The following PXDNL variants were observed in gnomAD, a reference collection of about 807,000 sequenced individuals.
The protein encoded by PXDNL is peroxidasin like.
Under a neutral mutation model 150.8 loss-of-function variants are expected in PXDNL, and 145 were observed. The ratio of observed to expected loss-of-function variants is 0.96; its 90% CI spans 0.84 to 1.10. The LOEUF is 1.10. Ranked by LOEUF, PXDNL falls within the 50% of genes least tolerant of loss-of-function variation. The pLI, the probability that PXDNL is intolerant of heterozygous loss-of-function variation, is 0.00. For synonymous variants in PXDNL, 757 were observed against 725.7 expected, an observed-to-expected ratio of 1.04 and a Z score of -0.69; for missense variants, 2,087 against 1,873.9, an observed-to-expected ratio of 1.11 and a Z score of -2.10.
At chr8:51,487,498 C>T (rs1004213181) in intron 5 of PXDNL, among the ~76,000 whole-genome samples, 3 of 151,782 alleles carry the variant, frequency 2.0e-5, no homozygotes, top group Non-Finnish European at 2.9e-5. Context: ...TTCTTTAATA[C>T]CAACCATAAA....
intron 1 of PXDNL, among the ~76,000 whole-genome samples, chr8:51,748,539 C>G (rs1585720364): frequency 1.3e-5 from 2 of 152,310 alleles, no homozygotes; most frequent in East Asian, 1.9e-4. Context: ...TGGAGCACAG[C>G]ATCACTGCCT....
At chr8:51,548,635 G>T (rs575882531) in intron 4 of PXDNL, among the ~76,000 whole-genome samples, 2 of 152,230 alleles carry the variant, frequency 1.3e-5, no homozygotes, top group African/African-American at 4.8e-5. Flanking sequence ...ACAAACAAAT[G>T]CTGAGAGAAT....
chr8:51,543,852 G>A (rs140412581), intron 4 of PXDNL, among the ~76,000 whole-genome samples: 2 of 151,940 alleles, frequency 1.3e-5, no homozygotes, highest in African/African-American at 4.8e-5. Flanking sequence ...CCACTAAGGA[G>A]GCAAGAAAAA....
chr8:51,388,974 G>A (rs114862510), intron 17 of PXDNL, among the ~76,000 whole-genome samples: 2,080 of 152,156 alleles, frequency 0.014, 54 homozygotes, highest in African/African-American at 0.047. Context: ...TTAATTTAAT[G>A]TTAAATGCAC....
At chr8:51,706,421 G>A (rs181982624) in intron 1 of PXDNL, among the ~76,000 whole-genome samples, 63 of 152,330 alleles carry the variant, frequency 4.1e-4, no homozygotes, top group Admixed American at 3.7e-3. Flanking sequence ...GTCAAGGGAG[G>A]AAGTAGGGAA....
chr8:51,787,083 C>T (rs1374803169), intron 1 of PXDNL, among the ~76,000 whole-genome samples: 9 of 140,158 alleles, frequency 6.4e-5, no homozygotes, highest in African/African-American at 2.4e-4. Flanking sequence ...AAGTCTACTG[C>T]TGCAACCTAC....
At chr8:51,395,394 C>A (rs933296906) in intron 17 of PXDNL, among the ~76,000 whole-genome samples, 1 of 152,130 alleles carries the variant, frequency 6.6e-6, no homozygotes, top group Non-Finnish European at 1.5e-5. Flanking sequence ...CCCTCAAATT[C>A]TGGTTTATAA....
intron 2 of PXDNL, among the ~76,000 whole-genome samples, chr8:51,603,335 C>T (rs544676675): frequency 9.2e-5 from 14 of 151,942 alleles, no homozygotes; most frequent in Non-Finnish European, 1.5e-4. Flanking sequence ...TTTACCATAT[C>T]GACTTTACCT....
intron 19 of PXDNL, among the ~76,000 whole-genome samples, chr8:51,369,000 A>C (rs887435864): frequency 6.6e-6 from 1 of 152,154 alleles, no homozygotes; most frequent in African/African-American, 2.4e-5. Flanking sequence ...TGTTTCAAAA[A>C]AAATAAAAAT....
intron 1 of PXDNL, among the ~76,000 whole-genome samples, chr8:51,756,405 A>AG (rs1480610090): frequency 5.3e-5 from 8 of 151,648 alleles, no homozygotes; most frequent in Admixed American, 5.3e-4. Flanking sequence ...AAAAAAAAAA[A>AG]AAGGAAAGAA....
rs186096971 is a variant in PXDNL, at chr8:51,375,415, A to T, written c.3558-684T>A. 9.2e-5 allele frequency among the ~76,000 whole-genome samples: 14 copies of T among 152,164 alleles called. No individual in the cohort carries two copies. The East Asian group carries it at 2.5e-3, about 27-fold the overall frequency. On this transcript the variant is annotated intron_variant, in intron 17 of 22. Coordinates refer to ENST00000356297, the MANE Select transcript of PXDNL (RefSeq NM_144651.5). ...CCACTCTGATTGTTTTTTTCTCTCT[A>T]CTCTAATGATAAACGTGACACCAAC...
chr8:51,778,306 T>C (rs540646263), intron 1 of PXDNL, among the ~76,000 whole-genome samples: 1 of 151,646 alleles, frequency 6.6e-6, no homozygotes, highest in Non-Finnish European at 1.5e-5. Flanking sequence ...AATTAATAAA[T>C]AAACAAAACC....
chr8:51,529,890 G>A (rs1469021083), intron 4 of PXDNL, among the ~76,000 whole-genome samples: 2 of 152,212 alleles, frequency 1.3e-5, no homozygotes, highest in Admixed American at 6.5e-5. Flanking sequence ...TTGGTAAGAA[G>A]TGTAGCAGCA....
intron 20 of PXDNL, among the ~76,000 whole-genome samples, chr8:51,344,211 T>C (rs1167222939): frequency 6.6e-6 from 1 of 152,042 alleles, no homozygotes; most frequent in African/African-American, 2.4e-5. Context: ...CTCAAGACAT[T>C]TTCCTGCCTC....
chr8:51,699,231 G>C (rs1585683455), intron 1 of PXDNL, among the ~76,000 whole-genome samples: 1 of 152,298 alleles, frequency 6.6e-6, no homozygotes, highest in East Asian at 1.9e-4. Context: ...TTTTCTTCCA[G>C]TAGAAATCTG....
chr8:51,461,510 G>A (rs1810083088), intron 8 of PXDNL, among the ~76,000 whole-genome samples: 1 of 152,174 alleles, frequency 6.6e-6, no homozygotes, highest in Non-Finnish European at 1.5e-5. Context: ...GCCATCTGCT[G>A]GGCAAAAAAC....
intron 4 of PXDNL, among the ~76,000 whole-genome samples, chr8:51,535,738 T>A (rs10958277): frequency 0.2 from 25,757 of 129,822 alleles, 5,230 homozygotes; most frequent in African/African-American, 0.51. Context: ...AATAAATAAA[T>A]AAAAATAAAG....
Position 51,528,911 on chromosome 8 carries a change from T to A in PXDNL, c.380+27929A>T, listed in dbSNP as rs149170487. ...CATCCAGAAAGGAGCACACCCATGC[T>A]GACACTTAGATTTAGCCAGGCAAGA... On this transcript the variant is annotated intron_variant, in intron 4 of 22. Transcript: ENST00000356297. Among the ~76,000 whole-genome samples the A allele has an allele frequency of 4.2e-3, 634 of 152,304 alleles. 8 individuals carry two copies. Among genetic ancestry groups the A allele is most frequent in the Non-Finnish European group, 6.7e-3 (459 of 68,032 alleles).
chr8:51,375,430 G>A (rs138629881), intron 17 of PXDNL, among the ~76,000 whole-genome samples: 86 of 152,234 alleles, frequency 5.6e-4, no homozygotes, highest in African/African-American at 1.6e-3. Context: ...AATGATAAAC[G>A]TGACACCAAC....
Sources: gnomAD v4.1 joint callset for allele counts (sites outside exome capture counted in the v4.1 genomes callset) on GRCh38, gnomAD v4.1.1 for gene constraint, MANE v1.5 for transcripts, NCBI Gene and HGNC (gene_info 2026-07-23, HGNC 2026-07-21) for gene names.